PDE1A: variants seen among roughly 807,000 people sequenced by gnomAD.
The protein encoded by PDE1A is dual specificity calcium/calmodulin-dependent 3',5'-cyclic nucleotide phosphodiesterase 1A.
PDE1A carries 35 observed loss-of-function variants against 61.7 expected under a neutral mutation model. The ratio of observed to expected loss-of-function variants is 0.57; its 90% CI spans 0.43 to 0.75. The LOEUF (loss-of-function observed/expected upper bound fraction) is 0.75. Ranked by LOEUF, PDE1A falls within the 30% of genes least tolerant of loss-of-function variation. PDE1A has a pLI of 0.00. For missense variants in PDE1A, 597 were observed against 630.6 expected, an observed-to-expected ratio of 0.95 and a Z score of 0.57; for synonymous variants, 232 against 213.2, an observed-to-expected ratio of 1.09 and a Z score of -0.77.
chr2:182,594,576 TTTTC>T, the PDE1A span, among the ~76,000 whole-genome samples: 1 of 152,204 alleles, frequency 6.6e-6, no homozygotes, highest in Non-Finnish European at 1.5e-5. Flanking sequence ...ATGACATAAC[TTTTC>T]TTTGTCATAT....
At chr2:182,701,242 A>C in the PDE1A span, among the ~76,000 whole-genome samples, 5 of 151,660 alleles carry the variant, frequency 3.3e-5, no homozygotes, top group African/African-American at 1.2e-4. Context: ...TCACCGTGTT[A>C]GCCAGGATGG....
chr2:182,687,877 T>C, the PDE1A span, among the ~76,000 whole-genome samples: 1 of 152,150 alleles, frequency 6.6e-6, no homozygotes, highest in African/African-American at 2.4e-5. Context: ...AACTATGCGA[T>C]GAATGCAAAA....
the PDE1A span, among the ~76,000 whole-genome samples, chr2:182,651,286 T>A: frequency 3.3e-5 from 5 of 152,182 alleles, no homozygotes. Context: ...GGATTACAGG[T>A]ATGAGCCACC....
At chr2:182,535,018 T>C in the PDE1A span, among the ~76,000 whole-genome samples, 2 of 151,650 alleles carry the variant, frequency 1.3e-5, no homozygotes, top group Admixed American at 6.6e-5. Context: ...TCCAGAACCA[T>C]TTACTAAAAT....
At chr2:182,563,628 G>A in the PDE1A span, among the ~76,000 whole-genome samples, 16,301 of 151,880 alleles carry the variant, frequency 0.11, 2,411 homozygotes, top group African/African-American at 0.34. Flanking sequence ...TTTCTGTCTC[G>A]TTGATCTGTC....
intron 7 of PDE1A, among the ~76,000 whole-genome samples, chr2:182,221,092 TCTTC>T (rs1574767086): frequency 6.6e-6 from 1 of 151,918 alleles, no homozygotes; most frequent in South Asian, 2.1e-4. Flanking sequence ...CTTGTCCTCC[TCTTC>T]CTTGTCATCC....
intron 1 of PDE1A, among the ~76,000 whole-genome samples, chr2:182,279,486 C>T (rs1000435945): frequency 6.6e-6 from 1 of 152,024 alleles, no homozygotes; most frequent in African/African-American, 2.4e-5. Flanking sequence ...TTTCTTTCCA[C>T]AGTCAATATT....
At chr2:182,201,892 G>A in intron 8 of PDE1A, 103 bp from the exon 9 acceptor site, 3 of 703,072 alleles carry the variant, frequency 4.3e-6, no homozygotes, top group Non-Finnish European at 7.3e-6. Flanking sequence ...GTTCTTAATG[G>A]ATATGAACAC....
At chr2:182,383,924 T>C (rs1253866599) in intron 1 of PDE1A, among the ~76,000 whole-genome samples, 1 of 152,138 alleles carries the variant, frequency 6.6e-6, no homozygotes, top group African/African-American at 2.4e-5. Flanking sequence ...AACTCAGCAC[T>C]GGGAAGACTT....
At chr2:182,282,817 T>A (rs900748932) in intron 1 of PDE1A, among the ~76,000 whole-genome samples, 1 of 152,150 alleles carries the variant, frequency 6.6e-6, no homozygotes, top group South Asian at 2.1e-4. Flanking sequence ...GGCAGTCCAG[T>A]TCATTCAATA....
At chr2:182,517,471 T>G (rs907855716) in intron 2 of PDE1A, among the ~76,000 whole-genome samples, 2 of 152,218 alleles carry the variant, frequency 1.3e-5, no homozygotes, top group African/African-American at 4.8e-5. Flanking sequence ...TTCATTGACT[T>G]AAAATATTAA....
intron 2 of PDE1A, among the ~76,000 whole-genome samples, chr2:182,520,973 G>T (rs1690530151): frequency 6.6e-6 from 1 of 151,978 alleles, no homozygotes; most frequent in Admixed American, 6.6e-5. Context: ...ATGGATCTTA[G>T]AAACAGATTT....
intron 2 of PDE1A, among the ~76,000 whole-genome samples, chr2:182,254,481 G>A (rs1158789576): frequency 1.3e-5 from 2 of 152,114 alleles, no homozygotes; most frequent in African/African-American, 2.4e-5. Flanking sequence ...AAGAATACAA[G>A]AGCCCATACT....
the PDE1A span, among the ~76,000 whole-genome samples, chr2:182,611,729 T>C: frequency 6.6e-6 from 1 of 151,436 alleles, no homozygotes; most frequent in Non-Finnish European, 1.5e-5. Context: ...GAAATATATA[T>C]TAAAGAAAGA....
At chr2:182,432,972 C>T (rs1704031184) in intron 2 of PDE1A, among the ~76,000 whole-genome samples, 1 of 152,042 alleles carries the variant, frequency 6.6e-6, no homozygotes. Flanking sequence ...TCTCAGCCTT[C>T]CTTGTTACTT....
At chr2:182,161,665 G>C (rs1323836976) in intron 13 of PDE1A, among the ~76,000 whole-genome samples, 1 of 152,100 alleles carries the variant, frequency 6.6e-6, no homozygotes, top group Admixed American at 6.6e-5. Context: ...AATCCCAGAG[G>C]GGAGGTTCAG....
Position 182,516,743 on chromosome 2 carries a change from A to AGGAAGGAAGG in PDE1A, c.101+5532_101+5533insCCTTCCTTCC, listed in dbSNP as rs57365248. ...AAGGAAGGAAGGAAGGAAGGAAGGA[A>AGGAAGGAAGG]AAAGAGAGAAAGAAAGAAAAAGAAA... On this transcript the variant is annotated intron_variant, in intron 2 of 14. Transcript: ENST00000410103. Among the ~76,000 whole-genome samples, 4 of 121,702 alleles carry AGGAAGGAAGG rather than the reference A, an allele frequency of 3.3e-5. No individual in the cohort carries two copies. In the East Asian group the frequency reaches 1.0e-3, roughly 31 times the overall value. The allele number at this position is 121,702 out of a possible 152,430, so 79.8% of individuals were successfully genotyped here.
At chr2:182,342,198 T>A (rs904437931) in intron 1 of PDE1A, among the ~76,000 whole-genome samples, 1 of 152,254 alleles carries the variant, frequency 6.6e-6, no homozygotes, top group African/African-American at 2.4e-5. Flanking sequence ...ATTTCACTTC[T>A]TTGTACTATA....
intron 1 of PDE1A, among the ~76,000 whole-genome samples, chr2:182,382,115 G>T (rs555870020): frequency 6.6e-6 from 1 of 152,250 alleles, no homozygotes; most frequent in Non-Finnish European, 1.5e-5. Flanking sequence ...TCTCCTTTGA[G>T]TATAGGTGGA....
Sources: allele counts gnomAD v4.1 joint callset (sites outside exome capture counted in the v4.1 genomes callset), GRCh38; gene constraint gnomAD v4.1.1; transcripts MANE v1.5; gene names NCBI Gene and HGNC (gene_info 2026-07-23, HGNC 2026-07-21).